The following WLS variants were observed in gnomAD, a reference collection of about 807,000 sequenced individuals.
WLS encodes the protein protein wntless homolog.
A neutral mutation model predicts 62.8 loss-of-function variants in WLS; 23 were observed. The ratio of observed to expected loss-of-function variants is 0.37; its 90% CI spans 0.26 to 0.52. WLS has a LOEUF of 0.52. WLS is among the 20% of genes least tolerant of loss of function. The pLI is 0.92. For synonymous variants in WLS, 246 were observed against 244.1 expected (o/e 1.01, Z -0.07); for missense variants, 615 against 697.3 (o/e 0.88, Z 1.33).
intron 1 of WLS, among the ~76,000 whole-genome samples, chr1:68,207,106 A>G (rs1403075148): frequency 6.6e-6 from 1 of 152,254 alleles, no homozygotes. Context: ...GCTACAGCCA[A>G]CTGCATATGT....
At chr1:68,152,528 G>A (rs1646840588) in intron 5 of WLS, among the ~76,000 whole-genome samples, 2 of 152,242 alleles carry the variant, frequency 1.3e-5, no homozygotes, top group Admixed American at 1.3e-4. Context: ...GTCAGATGCT[G>A]GGATGAATAA....
At chr1:68,213,999 T>C (rs1649628111) in intron 1 of WLS, among the ~76,000 whole-genome samples, 1 of 152,214 alleles carries the variant, frequency 6.6e-6, no homozygotes, top group Non-Finnish European at 1.5e-5. Context: ...GCTTCTCTTC[T>C]GCCTTCAGGA....
chr1:68,139,092 C>A (rs1048763952), intron 10 of WLS, among the ~76,000 whole-genome samples: 5 of 152,126 alleles, frequency 3.3e-5, no homozygotes, highest in African/African-American at 1.2e-4. Flanking sequence ...CCACATTAGC[C>A]AATTATAGAC....
intron 2 of WLS, among the ~76,000 whole-genome samples, chr1:68,191,483 A>G (rs923724839): frequency 1.3e-5 from 2 of 152,194 alleles, no homozygotes; most frequent in African/African-American, 4.8e-5. Flanking sequence ...TCCTCACATT[A>G]CATTGTGTAT....
intron 1 of WLS, among the ~76,000 whole-genome samples, chr1:68,228,842 C>CAAAAAAAAAAAA (rs66626696): frequency 6.4e-4 from 37 of 58,024 alleles, no homozygotes; most frequent in Non-Finnish European, 8.2e-4. Context: ...ACACTGGTGC[C>CAAAAAAAAAAAA]AAAAAAAAAA....
intron 1 of WLS, among the ~76,000 whole-genome samples, chr1:68,218,839 G>A (rs937102959): frequency 6.6e-6 from 1 of 152,186 alleles, no homozygotes; most frequent in African/African-American, 2.4e-5. Flanking sequence ...TTACTTGAAT[G>A]AACTATATTT....
At chr1:68,099,697 TGTC>T (rs1646052802) in intron 11 of WLS, 1 of 151,982 alleles carries the variant, frequency 6.6e-6, no homozygotes, top group South Asian at 2.1e-4. Context: ...TTTTCATTTG[TGTC>T]ATTTTTATTG....
At chr1:68,102,015 A>G (rs1646085214) in intron 11 of WLS, among the ~76,000 whole-genome samples, 1 of 152,190 alleles carries the variant, frequency 6.6e-6, no homozygotes, top group African/African-American at 2.4e-5. Flanking sequence ...TACCTTCGTT[A>G]TAGCTGCTGG....
At position 68,195,478 on chromosome 1, in the gene WLS, A is replaced by G. The variant is rs1012198423; in HGVS notation, c.107-1251T>C. Among the ~76,000 whole-genome samples, 3 of 152,330 alleles carry G rather than the reference A, an allele frequency of 2.0e-5. No homozygotes were observed. In the East Asian group the frequency reaches 5.8e-4, roughly 29 times the overall value. ...CAAAGTATAAAATATTAGCCATTAT[A>G]TCATATTTTCTTTATAATTAAAATC... On this transcript the variant is annotated intron_variant, in intron 1 of 11. Coordinates refer to ENST00000262348, the MANE Select transcript of WLS (RefSeq NM_024911.7).
At chr1:68,215,809 G>T (rs910019696) in intron 1 of WLS, among the ~76,000 whole-genome samples, 6 of 152,136 alleles carry the variant, frequency 3.9e-5, no homozygotes, top group South Asian at 2.1e-4. Flanking sequence ...CTATACAAAA[G>T]AATTAATAAA....
At chr1:68,183,667 A>G in intron 2 of WLS, 2 of 353,734 alleles carry the variant, frequency 5.7e-6, no homozygotes, top group Non-Finnish European at 1.2e-5. Context: ...TATGATCAAT[A>G]GATTGTTCCC....
chr1:68,212,174 C>T (rs1649541584), intron 1 of WLS, among the ~76,000 whole-genome samples: 1 of 152,162 alleles, frequency 6.6e-6, no homozygotes, highest in Non-Finnish European at 1.5e-5. Context: ...GTGGAGAGTT[C>T]CTAAAACATT....
At chr1:68,133,189 G>A (rs1646556223) in intron 11 of WLS, among the ~76,000 whole-genome samples, 4 of 152,128 alleles carry the variant, frequency 2.6e-5, no homozygotes, top group African/African-American at 9.7e-5. Flanking sequence ...AGACACATAT[G>A]CATAAAATGA....
chr1:68,148,325 A>G (rs1176162875), intron 7 of WLS, 126 bp from the exon 8 acceptor site: 9 of 1,059,746 alleles, frequency 8.5e-6, no homozygotes, highest in Admixed American at 4.3e-5. Context: ...AAAAAACATT[A>G]CAGAAATCCT....
At chr1:68,098,613 CAT>C (rs1221555790) in exon 12 of WLS, 2 of 1,612,094 alleles carry the variant, frequency 1.2e-6, no homozygotes, top group Non-Finnish European at 8.5e-7. Flanking sequence ...AGCTGATAAA[CAT>C]GTGTTGCCTT....
At position 68,126,078 on chromosome 1, in the gene WLS, G is replaced by A; in HGVS notation, c.*148C>T. ...AAAAGCTACCGTCAGAAGGCAAACT[G>A]ACAAATGTCCATGCCGCTGGTCCAA... On this transcript the variant is annotated 3_prime_UTR_variant, in exon 12 of 12. Coordinates refer to ENST00000262348, the MANE Select transcript of WLS (RefSeq NM_024911.7). 1 of 1,445,328 alleles carries A rather than the reference G, an allele frequency of 6.9e-7. No individual in the cohort carries two copies. The highest frequency in any genetic ancestry group is 1.4e-5 in the African/African-American group (1 of 70,170). 89.5% of individuals were successfully genotyped at this position (1,445,328 alleles called of 1,614,324 possible). A position where few individuals can be genotyped will look rare whatever the true frequency, so the allele number is the denominator to read the frequency against.
chr1:68,157,292 G>C (rs1053007245), intron 3 of WLS, among the ~76,000 whole-genome samples: 2 of 152,194 alleles, frequency 1.3e-5, no homozygotes, highest in Non-Finnish European at 2.9e-5. Flanking sequence ...ACACTTCCCT[G>C]TCACTACTGA....
At chr1:68,124,921 T>G (rs12092419), downstream of WLS, among the ~76,000 whole-genome samples, 60,382 of 152,010 alleles carry the variant, frequency 0.4, 12,255 homozygotes, top group Middle Eastern at 0.47. Context: ...CTTCCATATA[T>G]ATGAACTGAT....
In WLS at chr1:68,173,407, T is replaced by C. The variant is rs1647183524; in HGVS notation, c.380-14160A>G. Reference sequence around the variant, plus strand: ...TGATCGTTGTGAAAATCTACCTGCGTGCCCCTCTCTCTCTCTCTCTCTCTC... The same window carrying C: ...TGATCGTTGTGAAAATCTACCTGCGCGCCCCTCTCTCTCTCTCTCTCTCTC... On this transcript the variant is annotated intron_variant, in intron 2 of 11. Transcript: ENST00000262348. Among the ~76,000 whole-genome samples the C allele has an allele frequency of 2.2e-5, 3 of 136,562 alleles. No homozygotes were observed. The South Asian group carries it at 7.6e-4, about 35-fold the overall frequency. 89.6% of individuals were successfully genotyped at this position (136,562 alleles called of 152,430 possible).
Sources: allele counts gnomAD v4.1 joint callset (sites outside exome capture counted in the v4.1 genomes callset), GRCh38; gene constraint gnomAD v4.1.1; transcripts MANE v1.5; gene names NCBI Gene and HGNC (gene_info 2026-07-23, HGNC 2026-07-21).